Variants in COL9A2 observed in about 807,000 individuals in gnomAD.
The protein encoded by COL9A2 is collagen type IX alpha 2 chain.
COL9A2 carries 66 observed loss-of-function variants against 111.6 expected under a neutral mutation model. That is an observed-to-expected ratio of 0.59 (90% confidence interval 0.48 to 0.73). COL9A2 has a LOEUF of 0.73. Ranked by LOEUF, COL9A2 falls within the 30% of genes least tolerant of loss-of-function variation. The pLI is 0.00. For missense variants in COL9A2, 881 were observed against 954.1 expected (o/e 0.92, Z 1.01); for synonymous variants, 353 against 364.1 (o/e 0.97, Z 0.35).
chr1:40,317,264 C>A lies in COL9A2; in HGVS notation c.-67G>T. On this transcript the variant is annotated 5_prime_UTR_variant, in exon 1 of 32. Coordinates refer to ENST00000372748, the MANE Select transcript of COL9A2 (RefSeq NM_001852.4). The surrounding 1 kb of genome is among the most constrained non-coding windows in gnomAD (Gnocchi z 4.3). The stretch of plus-strand genomic sequence containing the variant: ...ACGCACCGACGGCAGAGTCTCCCGG[C>A]GCTCCTCCAGCGCTGGCTGTTCGCG... 9.2e-7 allele frequency: 1 copy of A among 1,092,676 alleles called. No individual in the cohort carries two copies. The highest frequency in any genetic ancestry group is 1.3e-6 in the Non-Finnish European group (1 of 768,488). 67.7% of individuals were successfully genotyped at this position (1,092,676 alleles called of 1,614,324 possible).
Position 40,312,184 on chromosome 1 carries a change from G to T in COL9A2, c.364-72C>A. 1 of 1,336,448 alleles carries T rather than the reference G, an allele frequency of 7.5e-7. No homozygotes were observed. The highest frequency in any genetic ancestry group is 1.1e-6 in the Non-Finnish European group (1 of 950,750). 82.8% of individuals were successfully genotyped at this position (1,336,448 alleles called of 1,614,324 possible). A position where few individuals can be genotyped will look rare whatever the true frequency, so the allele number is the denominator to read the frequency against. ...ACCCTGGGCACAAAGGTAGAGACAGGCACCCAAAGCCCGTTTCTCCACTTT... is the reference window on the plus strand; with the variant it reads ...ACCCTGGGCACAAAGGTAGAGACAGTCACCCAAAGCCCGTTTCTCCACTTT... On this transcript the variant is annotated intron_variant, in intron 7 of 31. Transcript: ENST00000372748. The surrounding 1 kb of genome is among the most constrained non-coding windows in gnomAD (Gnocchi z 6.0).
chr1:40,309,411 C>A (rs567513964), intron 16 of COL9A2, among the ~76,000 whole-genome samples: 5 of 151,658 alleles, frequency 3.3e-5, no homozygotes, highest in Admixed American at 1.3e-4. Flanking sequence ...AAAACCGCTT[C>A]CCCCAACAGG....
chr1:40,302,818 A>AGGGG lies in COL9A2; in HGVS notation c.1604-10_1604-9insCCCC. ...GACCTCTGCCAGTTGCTCTGGAGGG[A>AGGGG]GGGAGGGAGGGAGGGAGAGGGAAGT... On this transcript the variant is annotated splice_polypyrimidine_tract_variant and intron_variant, in intron 29 of 31. Coordinates refer to ENST00000372748, the MANE Select transcript of COL9A2 (RefSeq NM_001852.4). The surrounding 1 kb of genome is among the most constrained non-coding windows in gnomAD (Gnocchi z 4.5). 2.3e-6 allele frequency: 1 copy of AGGGG among 443,824 alleles called. No individual in the cohort carries two copies. Among genetic ancestry groups the AGGGG allele is most frequent in the South Asian group, 1.6e-5 (1 of 61,868 alleles). The allele number at this position is 443,824 out of a possible 1,614,324, so 27.5% of individuals were successfully genotyped here. A position where few individuals can be genotyped will look rare whatever the true frequency, so the allele number is the denominator to read the frequency against.
rs1644018576 is a variant in COL9A2 at position 40,305,733 on chromosome 1, A to G, written c.1089T>C (p.Ser363=). 6.2e-7 allele frequency: 1 copy of G among 1,614,138 alleles called. No homozygotes were observed. The highest frequency in any genetic ancestry group is 8.5e-7 in the Non-Finnish European group (1 of 1,180,004). ...EPGPQGLPGF[S]GPPGKEGEPG... ...CATTTACCTCTTTCCCAGGGGGACC[A>G]GAGAATCCAGGAAGGCCCTGCGGGC... The change falls in exon 21 of 32, where the codon TCT becomes TCC. Residue 363 remains serine, a synonymous_variant. Coordinates refer to ENST00000372748, the MANE Select transcript of COL9A2 (RefSeq NM_001852.4).
Position 40,314,304 on chromosome 1 carries a change from A to T in COL9A2, c.187-37T>A. On this transcript the variant is annotated intron_variant, in intron 3 of 31. Coordinates refer to ENST00000372748, the MANE Select transcript of COL9A2 (RefSeq NM_001852.4). The surrounding 1 kb of genome is among the most constrained non-coding windows in gnomAD (Gnocchi z 4.1). ...AGATGGAACAAACATGAGCCAGAGG[A>T]GGGCAAGAGCAGGAAGGGTCAAAGG... is the stretch of plus-strand genomic sequence containing the variant. 6.2e-7 allele frequency: 1 copy of T among 1,614,200 alleles called. No homozygotes were observed. The highest frequency in any genetic ancestry group is 8.5e-7 in the Non-Finnish European group (1 of 1,180,028).
chr1:40,311,026 G>A lies in COL9A2; in HGVS notation c.630+67C>T. 2 of 1,594,654 alleles carry A rather than the reference G, an allele frequency of 1.3e-6. No individual in the cohort carries two copies. Among genetic ancestry groups the A allele is most frequent in the Middle Eastern group, 3.6e-4 (2 of 5,520 alleles). ...CAGGGGAAGGGGAAGGGACGAAGAA[G>A]GGGACAGAGCCCTGTAGGACCATCT... On this transcript the variant is annotated intron_variant, in intron 12 of 31. Transcript: ENST00000372748. This position sits in a 1 kb window ranked among gnomAD's most constrained non-coding sequence, Gnocchi z 5.1.
chr1:40,311,367 G>C lies in COL9A2; in HGVS notation c.520-81C>G. On this transcript the variant is annotated intron_variant, in intron 10 of 31. Transcript: ENST00000372748. This position sits in a 1 kb window ranked among gnomAD's most constrained non-coding sequence, Gnocchi z 5.1. ...CTCTCCAAGCCCCGTGCTCTCCTCCGCCTCACCTGGTGGAACCCCTGCACT... is the reference window on the plus strand; with the variant it reads ...CTCTCCAAGCCCCGTGCTCTCCTCCCCCTCACCTGGTGGAACCCCTGCACT... 1 of 1,567,766 alleles carries C rather than the reference G, an allele frequency of 6.4e-7. No homozygotes were observed. The highest frequency in any genetic ancestry group is 8.7e-7 in the Non-Finnish European group (1 of 1,148,524).
rs774882760 is a variant in COL9A2, at chr1:40,310,070, G to C, written c.792+41C>G. 4 of 1,612,022 alleles carry C rather than the reference G, an allele frequency of 2.5e-6. No individual in the cohort carries two copies. In the South Asian group the frequency reaches 4.4e-5, roughly 18 times the overall value. On this transcript the variant is annotated intron_variant, in intron 15 of 31. Coordinates refer to ENST00000372748, the MANE Select transcript of COL9A2 (RefSeq NM_001852.4). The surrounding 1 kb of genome is among the most constrained non-coding windows in gnomAD (Gnocchi z 4.9). Reference sequence around the variant, plus strand: ...GCCCACTCTGTGGCTGTAGCTGTAGGAGCTCCAGCCTCAGGGGTAGGGGAG... The same window carrying C: ...GCCCACTCTGTGGCTGTAGCTGTAGCAGCTCCAGCCTCAGGGGTAGGGGAG...
intron 21 of COL9A2, 192 bp from the exon 22 acceptor site, chr1:40,305,039 T>G: frequency 2.1e-6 from 1 of 476,660 alleles, no homozygotes; most frequent in East Asian, 3.4e-5. Context: ...GAATTACTTA[T>G]CATGTGATCA....
Position 40,312,775 on chromosome 1 carries a change from C to T in COL9A2, c.259G>A (p.Gly87Arg). 1 of 1,551,460 alleles carries T rather than the reference C, an allele frequency of 6.4e-7. No individual in the cohort carries two copies. Among genetic ancestry groups the T allele is most frequent in the Non-Finnish European group, 8.7e-7 (1 of 1,147,028 alleles). Residue 87 changes from glycine to arginine, a missense_variant, in exon 5 of 32, where the codon GGA (glycine) becomes AGA (arginine). By Grantham distance (125) the Gly-to-Arg change is moderately radical (BLOSUM62 -2). Coordinates refer to ENST00000372748, the MANE Select transcript of COL9A2 (RefSeq NM_001852.4). This position sits in a 1 kb window ranked among gnomAD's most constrained non-coding sequence, Gnocchi z 6.0. ...ATGGGGCCAGGCTCCCCCTTGGCTC[C>T]AGTTAAACCCTGGGGAAGAATGAAA... ...DGKPGIDGLT[G>R]AKGEPGPMGI...
At position 40,301,126 on chromosome 1, in the gene COL9A2, A is replaced by T; in HGVS notation, c.*56T>A. On this transcript the variant is annotated 3_prime_UTR_variant, in exon 32 of 32. Coordinates refer to ENST00000372748, the MANE Select transcript of COL9A2 (RefSeq NM_001852.4). ...TGGGGATGGGTGCATGTCCACCCAG[A>T]GGGGACCTGGTCCTTCCCGCCAGGA... 1 of 1,590,472 alleles carries T rather than the reference A, an allele frequency of 6.3e-7. No individual in the cohort carries two copies. Among genetic ancestry groups the T allele is most frequent in the Non-Finnish European group, 8.6e-7 (1 of 1,161,392 alleles).
rs774020339 is a variant in COL9A2, at chr1:40,315,374, T to A, written c.150+216A>T. On this transcript the variant is annotated intron_variant, in intron 2 of 31. Transcript: ENST00000372748. ...CGGCGGACTGAACAGCAGCTCCTTG[T>A]CTGTCGGCGGCTATAACGGGCTCCG... is the stretch of plus-strand genomic sequence containing the variant. 5 of 1,386,544 alleles carry A rather than the reference T, an allele frequency of 3.6e-6. No homozygotes were observed. In the Admixed American group the frequency reaches 1.3e-4, roughly 35 times the overall value. The allele number at this position is 1,386,544 out of a possible 1,614,324, so 85.9% of individuals were successfully genotyped here. A position where few individuals can be genotyped will look rare whatever the true frequency, so the allele number is the denominator to read the frequency against.
intron 19 of COL9A2, 85 bp from the exon 20 acceptor site, chr1:40,306,272 G>T: frequency 6.7e-7 from 1 of 1,482,758 alleles, no homozygotes; most frequent in Non-Finnish European, 9.4e-7. Flanking sequence ...CCCCAATCCA[G>T]ATTTCCCCCA....
chr1:40,304,761 C>A, intron 22 of COL9A2, 33 bp downstream of exon 22: 1 of 1,543,466 alleles, frequency 6.5e-7, no homozygotes, highest in Non-Finnish European at 8.8e-7. Context: ...CCGCAGAGGC[C>A]CCCGGGGAGG....
At position 40,303,599 on chromosome 1, in the gene COL9A2, A is replaced by G. The variant is rs1335810246; in HGVS notation, c.1479T>C (p.Gly493=). The change falls in exon 28 of 32, where the codon GGT becomes GGC. Residue 493 remains glycine, a synonymous_variant. Coordinates refer to ENST00000372748, the MANE Select transcript of COL9A2 (RefSeq NM_001852.4). This position sits in a 1 kb window ranked among gnomAD's most constrained non-coding sequence, Gnocchi z 4.6. ...AGAPGVQGYP[G]PPGPRGLAGN... ...CGGCCAGTCCTCGAGGGCCGGGGGG[A>G]CCAGGGTAGCCCTGAACCCCTGGGG... 1.2e-6 allele frequency: 2 copies of G among 1,606,092 alleles called. No individual in the cohort carries two copies. Among genetic ancestry groups the G allele is most frequent in the Admixed American group, 1.7e-5 (1 of 59,256 alleles).
Position 40,300,876 on chromosome 1 carries a change from A to G in COL9A2, c.*306T>C. 2.8e-6 allele frequency: 1 copy of G among 351,022 alleles called. No homozygotes were observed. The highest frequency in any genetic ancestry group is 5.5e-5 in the East Asian group (1 of 18,044). 21.7% of individuals were successfully genotyped at this position (351,022 alleles called of 1,614,324 possible). On this transcript the variant is annotated 3_prime_UTR_variant, in exon 32 of 32. Transcript: ENST00000372748. The surrounding 1 kb of genome is among the most constrained non-coding windows in gnomAD (Gnocchi z 4.4). ...CAAGATGGCCAGTGGAGAAAGGTGCAGATTAAGATGTTTGTTTTGGTAACA... is the reference window on the plus strand; with the variant it reads ...CAAGATGGCCAGTGGAGAAAGGTGCGGATTAAGATGTTTGTTTTGGTAACA...
At position 40,301,396 on chromosome 1, in the gene COL9A2, A is replaced by C; in HGVS notation, c.1871-15T>G. On this transcript the variant is annotated splice_polypyrimidine_tract_variant and intron_variant, in intron 31 of 31. Transcript: ENST00000372748. ...GCCAGGGAGTCCTGTGAACAGGAGA[A>C]AGTCAAGACATTAGGGGCACCTCTT... is the stretch of plus-strand genomic sequence containing the variant. The C allele has an allele frequency of 6.2e-7, 1 of 1,600,564 alleles. No homozygotes were observed.
In COL9A2 at chr1:40,312,528, C is replaced by A; in HGVS notation, c.339+46G>T. On this transcript the variant is annotated intron_variant, in intron 6 of 31. Transcript: ENST00000372748. This position sits in a 1 kb window ranked among gnomAD's most constrained non-coding sequence, Gnocchi z 6.0. ...GGCTTCATGGCTCCCTCTGCAGGTC[C>A]CCTCTCCCCCAAGAGTCCCTCGAAG... 6.2e-7 allele frequency: 1 copy of A among 1,613,924 alleles called. No individual in the cohort carries two copies. The highest frequency in any genetic ancestry group is 2.2e-5 in the East Asian group (1 of 44,858).
At position 40,311,558 on chromosome 1, in the gene COL9A2, A is replaced by T. The variant is rs1318352466; in HGVS notation, c.472-11T>A. 6.2e-7 allele frequency: 1 copy of T among 1,612,476 alleles called. No individual in the cohort carries two copies. Among genetic ancestry groups the T allele is most frequent in the Admixed American group, 1.7e-5 (1 of 59,882 alleles). Reference sequence around the variant, plus strand: ...GGTTCCCGGGCGACCCTGAGAGGAGACATGAAGATGGAGCTTGGCCTGACC... The same window carrying T: ...GGTTCCCGGGCGACCCTGAGAGGAGTCATGAAGATGGAGCTTGGCCTGACC... On this transcript the variant is annotated splice_polypyrimidine_tract_variant and intron_variant, in intron 9 of 31. Coordinates refer to ENST00000372748, the MANE Select transcript of COL9A2 (RefSeq NM_001852.4). This position sits in a 1 kb window ranked among gnomAD's most constrained non-coding sequence, Gnocchi z 5.1.
Sources: gnomAD v4.1 joint callset for allele counts (sites outside exome capture counted in the v4.1 genomes callset) on GRCh38, gnomAD v4.1.1 for gene constraint, Gnocchi (gnomAD v3.1) non-coding constraint, MANE v1.5 for transcripts, NCBI Gene and HGNC (gene_info 2026-07-23, HGNC 2026-07-21) for gene names.